Variants in GAREM1 observed in about 807,000 individuals in gnomAD.
GAREM1 encodes the protein GRB2-associated and regulator of MAPK protein 1.
GAREM1 carries 26 observed loss-of-function variants against 71.3 expected under a neutral mutation model. The observed-to-expected ratio is 0.36, with a 90% CI of 0.27 to 0.51. The LOEUF (loss-of-function observed/expected upper bound fraction) is 0.51. Among genes scored for constraint, GAREM1 ranks in the 20% least tolerant of loss-of-function variants. The pLI, the probability that GAREM1 is intolerant of heterozygous loss-of-function variation, is 0.95. For synonymous variants in GAREM1, 440 were observed against 433.2 expected (o/e 1.02, Z -0.20); for missense variants, 1,026 against 1,103.1 (o/e 0.93, Z 0.99).
At chr18:32,405,231 C>T (rs2048354389) in intron 1 of GAREM1, among the ~76,000 whole-genome samples, 1 of 151,976 alleles carries the variant, frequency 6.6e-6, no homozygotes, top group African/African-American at 2.4e-5. Context: ...CAGAATCTCG[C>T]TCTATCACCC....
chr18:32,433,819 G>C (rs527936620), intron 1 of GAREM1, among the ~76,000 whole-genome samples: 46 of 152,218 alleles, frequency 3.0e-4, no homozygotes, highest in Middle Eastern at 3.4e-3. Context: ...TGAAGAAATA[G>C]CATGTTCATG....
chr18:32,267,939 A>T lies in GAREM1; in HGVS notation c.2563T>A (p.Phe855Ile). The part of the protein sequence containing the change: ...QLTEEILSED[F>I]KLSKLQVKKI... ...TTCACCTGCAATTTGCTCAATTTGA[A>T]ATCCTCTGAGAGGATTTCTTCCGTT... Residue 855 changes from phenylalanine (F) to isoleucine (I), a missense_variant, in exon 6 of 6, where the codon TTC becomes ATC. Coordinates refer to ENST00000269209, the MANE Select transcript of GAREM1 (RefSeq NM_001242409.2). 1 of 1,614,036 alleles carries T rather than the reference A, an allele frequency of 6.2e-7. No homozygotes were observed. Among genetic ancestry groups the T allele is most frequent in the South Asian group, 1.1e-5 (1 of 91,048 alleles).
intron 1 of GAREM1, among the ~76,000 whole-genome samples, chr18:32,468,511 C>G (rs1405663352): frequency 6.6e-6 from 1 of 152,168 alleles, no homozygotes; most frequent in Non-Finnish European, 1.5e-5. Context: ...TGATCAAAAT[C>G]CATTCCACAG....
Position 32,267,582 on chromosome 18 carries a change from A to G in GAREM1, c.*289T>C, listed in dbSNP as rs994982588. 1.1e-5 allele frequency: 3 copies of G among 267,726 alleles called. No homozygotes were observed. The highest frequency in any genetic ancestry group is 5.0e-5 in the Admixed American group (1 of 20,092). The allele number at this position is 267,726 out of a possible 1,614,324, so 16.6% of individuals were successfully genotyped here. ...ATATCATACCTTCTCACATAAACCT[A>G]CTTGGGTAAGAATGATTTCTCTGCA... On this transcript the variant is annotated 3_prime_UTR_variant, in exon 6 of 6. Transcript: ENST00000269209.
chr18:32,311,692 C>T (rs183316188), intron 2 of GAREM1, among the ~76,000 whole-genome samples: 1 of 152,322 alleles, frequency 6.6e-6, no homozygotes, highest in African/African-American at 2.4e-5. Context: ...GGTGGGTGGG[C>T]TGCCTGCCTG....
At chr18:32,343,193 G>A (rs926801238) in intron 2 of GAREM1, among the ~76,000 whole-genome samples, 1 of 152,056 alleles carries the variant, frequency 6.6e-6, no homozygotes, top group Non-Finnish European at 1.5e-5. Flanking sequence ...AGTACACTAC[G>A]TAGAAAATGC....
At chr18:32,422,637 G>C (rs560708430) in intron 1 of GAREM1, among the ~76,000 whole-genome samples, 1 of 152,182 alleles carries the variant, frequency 6.6e-6, no homozygotes, top group East Asian at 1.9e-4. Flanking sequence ...AGAATTTTTT[G>C]GAAGAAAGGT....
chr18:32,316,090 G>A (rs968369523), intron 2 of GAREM1, among the ~76,000 whole-genome samples: 11 of 152,274 alleles, frequency 7.2e-5, no homozygotes, highest in Admixed American at 6.5e-4. Flanking sequence ...AGTCATCTGT[G>A]TTTTGTCATC....
At chr18:32,307,474 A>C (rs2144512599) in intron 3 of GAREM1, among the ~76,000 whole-genome samples, 1 of 152,238 alleles carries the variant, frequency 6.6e-6, no homozygotes, top group African/African-American at 2.4e-5. Context: ...CCATTTCTTT[A>C]ACTCCTCCCC....
chr18:32,404,149 G>A (rs926968035), intron 1 of GAREM1, among the ~76,000 whole-genome samples: 1 of 152,090 alleles, frequency 6.6e-6, no homozygotes, highest in African/African-American at 2.4e-5. Flanking sequence ...CTGAATCATT[G>A]CATAACTATA....
chr18:32,411,023 G>A (rs545656560), intron 1 of GAREM1, among the ~76,000 whole-genome samples: 1 of 152,076 alleles, frequency 6.6e-6, no homozygotes, highest in Non-Finnish European at 1.5e-5. Flanking sequence ...GGCTGGTCTC[G>A]AACTCCTGAC....
chr18:32,430,884 A>T (rs1432770795), intron 1 of GAREM1, among the ~76,000 whole-genome samples: 1 of 152,238 alleles, frequency 6.6e-6, no homozygotes, highest in African/African-American at 2.4e-5. Context: ...CAGGGCAGAG[A>T]GGAAAAGCTA....
At chr18:32,364,366 A>G (rs1488189402) in intron 2 of GAREM1, among the ~76,000 whole-genome samples, 9 of 151,778 alleles carry the variant, frequency 5.9e-5, no homozygotes, top group African/African-American at 2.2e-4. Flanking sequence ...TACCTCCAAA[A>G]GTATTTACCC....
rs1006874535 is a variant in GAREM1, at chr18:32,362,263, A to T, written c.262+30632T>A. Among the ~76,000 whole-genome samples, 5 of 152,152 alleles carry T rather than the reference A, an allele frequency of 3.3e-5. No individual in the cohort carries two copies. The East Asian group carries it at 9.6e-4, about 29-fold the overall frequency. On this transcript the variant is annotated intron_variant, in intron 2 of 5. Transcript: ENST00000269209. ...TTTCCATTCATGTACATTTATCTTT[A>T]TGGTACCCAAATGATGTATCTCTCT...
At chr18:32,421,358 C>T (rs557683376) in intron 1 of GAREM1, among the ~76,000 whole-genome samples, 1 of 152,158 alleles carries the variant, frequency 6.6e-6, no homozygotes, top group Non-Finnish European at 1.5e-5. Flanking sequence ...TTCTGCACAT[C>T]CCCTTTGTTC....
At chr18:32,396,403 C>T (rs1183737170) in intron 1 of GAREM1, among the ~76,000 whole-genome samples, 1 of 152,112 alleles carries the variant, frequency 6.6e-6, no homozygotes, top group African/African-American at 2.4e-5. Context: ...AGATAAAAAC[C>T]TTGAAAAAAC....
At chr18:32,322,740 A>T (rs2047441867) in intron 2 of GAREM1, among the ~76,000 whole-genome samples, 1 of 152,234 alleles carries the variant, frequency 6.6e-6, no homozygotes, top group Non-Finnish European at 1.5e-5. Context: ...AGCCAGCTCA[A>T]GTCCAACATA....
Position 32,393,042 on chromosome 18 carries a change from A to G in GAREM1, c.122-7T>C. ...AGCCCTTCTACGCACTCTCCTAGGA[A>G]ATACAATTTTATATGAGAAACTTAG... is the stretch of plus-strand genomic sequence containing the variant. On this transcript the variant is annotated splice_region_variant and splice_polypyrimidine_tract_variant and intron_variant, in intron 1 of 5. Transcript: ENST00000269209. 1 of 1,607,244 alleles carries G rather than the reference A, an allele frequency of 6.2e-7. No homozygotes were observed. The highest frequency in any genetic ancestry group is 1.1e-5 in the South Asian group (1 of 90,116).
rs184640719 is a variant in GAREM1 at position 32,316,805 on chromosome 18, A to G, written c.263-6482T>C. ...TTTAAAATAGAAATAGCTAAAACCTATAAAATATTTTCTTAATGTAATGTT... is the reference window on the plus strand; with the variant it reads ...TTTAAAATAGAAATAGCTAAAACCTGTAAAATATTTTCTTAATGTAATGTT... On this transcript the variant is annotated intron_variant, in intron 2 of 5. Transcript: ENST00000269209. 2.6e-5 allele frequency among the ~76,000 whole-genome samples: 4 copies of G among 152,320 alleles called. No individual in the cohort carries two copies. In the East Asian group the frequency reaches 7.7e-4, roughly 29 times the overall value.
Sources: allele counts gnomAD v4.1 joint callset (sites outside exome capture counted in the v4.1 genomes callset), GRCh38; gene constraint gnomAD v4.1.1; transcripts MANE v1.5; gene names NCBI Gene and HGNC (gene_info 2026-07-23, HGNC 2026-07-21).